The following DDAH1 variants were observed in gnomAD, a reference collection of about 807,000 sequenced individuals.
DDAH1 encodes the protein N(G),N(G)-dimethylarginine dimethylaminohydrolase 1.
A neutral mutation model predicts 28.8 loss-of-function variants in DDAH1; 19 were observed. The observed-to-expected ratio is 0.66, with a 90% CI of 0.46 to 0.97. The LOEUF (loss-of-function observed/expected upper bound fraction) is 0.97, where lower values mean the gene tolerates loss of function less well. Ranked by LOEUF, DDAH1 falls within the 50% of genes least tolerant of loss-of-function variation. The pLI, the probability that DDAH1 is intolerant of heterozygous loss-of-function variation, is 0.00. For synonymous variants in DDAH1, 153 were observed against 154.4 expected, an observed-to-expected ratio of 0.99 and a Z score of 0.07; for missense variants, 326 against 375.9, an observed-to-expected ratio of 0.87 and a Z score of 1.10.
intron 1 of DDAH1, among the ~76,000 whole-genome samples, chr1:85,507,157 T>G (rs887403774): frequency 1.3e-5 from 2 of 151,482 alleles, no homozygotes; most frequent in Admixed American, 6.6e-5. Flanking sequence ...TGTATATATT[T>G]TGAAAGTTGT....
chr1:85,358,700 C>A (rs2100858119), intron 2 of DDAH1, 48 bp downstream of exon 2: 1 of 1,298,130 alleles, frequency 7.7e-7, no homozygotes, highest in Non-Finnish European at 1.1e-6. Flanking sequence ...TAAATACAAG[C>A]CAAGTATTAA....
At chr1:85,328,980 T>C (rs775880668) in intron 4 of DDAH1, among the ~76,000 whole-genome samples, 31 of 152,330 alleles carry the variant, frequency 2.0e-4, no homozygotes, top group Middle Eastern at 3.4e-3. Flanking sequence ...GATAAATAAA[T>C]CACCCATGTC....
chr1:85,454,763 A>G (rs572816095), intron 1 of DDAH1, among the ~76,000 whole-genome samples: 2 of 152,338 alleles, frequency 1.3e-5, no homozygotes, highest in African/African-American at 4.8e-5. Flanking sequence ...TTCATGACCC[A>G]CTAGTGGGTA....
chr1:85,413,089 C>A (rs1570507386), intron 1 of DDAH1, among the ~76,000 whole-genome samples: 1 of 152,126 alleles, frequency 6.6e-6, no homozygotes, highest in South Asian at 2.1e-4. Flanking sequence ...AATCTATTAC[C>A]ATGAATACCT....
At chr1:85,497,231 CA>C (rs1167879676) in intron 1 of DDAH1, among the ~76,000 whole-genome samples, 1 of 152,116 alleles carries the variant, frequency 6.6e-6, no homozygotes, top group Non-Finnish European at 1.5e-5. Flanking sequence ...AGGTGTCATA[CA>C]GCTCATGAGG....
At chr1:85,395,790 T>C (rs1651784936) in intron 1 of DDAH1, among the ~76,000 whole-genome samples, 1 of 152,194 alleles carries the variant, frequency 6.6e-6, no homozygotes, top group Non-Finnish European at 1.5e-5. Context: ...TTGAGTGTGA[T>C]CAAGTTGGCT....
chr1:85,540,567 A>G (rs1428210816), intron 1 of DDAH1, among the ~76,000 whole-genome samples: 2 of 152,194 alleles, frequency 1.3e-5, no homozygotes, highest in East Asian at 1.9e-4. Flanking sequence ...GACCTAGACT[A>G]TAATTCACAC....
At chr1:85,490,002 C>A (rs1656334058) in intron 2 of DDAH1, among the ~76,000 whole-genome samples, 1 of 152,118 alleles carries the variant, frequency 6.6e-6, no homozygotes, top group Non-Finnish European at 1.5e-5. Context: ...AATATGATCT[C>A]ATTTGATACT....
At chr1:85,377,850 C>T (rs1293237618) in intron 1 of DDAH1, among the ~76,000 whole-genome samples, 1 of 151,956 alleles carries the variant, frequency 6.6e-6, no homozygotes, top group African/African-American at 2.4e-5. Context: ...GGCTGCCCAC[C>T]TAAAGAATTG....
intron 2 of DDAH1, chr1:85,495,451 G>A (rs1656554115): frequency 6.6e-6 from 1 of 152,220 alleles, no homozygotes; most frequent in Non-Finnish European, 1.5e-5. Flanking sequence ...ATGGGCAGAT[G>A]TAATTGTTGA....
chr1:85,528,888 C>T (rs562755600), intron 1 of DDAH1, among the ~76,000 whole-genome samples: 4 of 150,976 alleles, frequency 2.6e-5, no homozygotes, highest in African/African-American at 4.9e-5. Flanking sequence ...GCAGGAGAAT[C>T]GCTTGAACCC....
intron 1 of DDAH1, among the ~76,000 whole-genome samples, chr1:85,435,477 T>C (rs1230184323): frequency 6.6e-6 from 1 of 152,202 alleles, no homozygotes; most frequent in Non-Finnish European, 1.5e-5. Context: ...GAGCAATACA[T>C]ACAAAATCCC....
At chr1:85,499,618 T>C (rs916413234) in intron 1 of DDAH1, among the ~76,000 whole-genome samples, 43 of 151,088 alleles carry the variant, frequency 2.8e-4, no homozygotes, top group African/African-American at 1.0e-3. Flanking sequence ...GAGGTTGCAG[T>C]GAGCCAAGAT....
intron 1 of DDAH1, among the ~76,000 whole-genome samples, chr1:85,555,677 A>G (rs1658941023): frequency 6.6e-6 from 1 of 152,176 alleles, no homozygotes; most frequent in African/African-American, 2.4e-5. Context: ...TCATGAATGC[A>G]CAAAAACTCA....
chr1:85,496,130 T>C (rs1010347528), intron 2 of DDAH1: 1 of 551,984 alleles, frequency 1.8e-6, no homozygotes. Context: ...GTGTTTACTT[T>C]TAGCTGTAAA....
In DDAH1 at chr1:85,425,263, T is replaced by C. The variant is rs147261397; in HGVS notation, c.303+39480A>G. ...CATCACTTCTTTTTTTATTTTTCTT[T>C]CTAGATTTTCACTTGTTCATCTCTG... On this transcript the variant is annotated intron_variant, in intron 1 of 5. Transcript: ENST00000284031. Among the ~76,000 whole-genome samples, 507 of 152,238 alleles carry C rather than the reference T, an allele frequency of 3.3e-3. 2 individuals carry two copies. Among genetic ancestry groups the C allele is most frequent in the African/African-American group, 0.012 (487 of 41,574 alleles).
At chr1:85,516,791 A>G (rs1657491897) in intron 1 of DDAH1, among the ~76,000 whole-genome samples, 1 of 151,724 alleles carries the variant, frequency 6.6e-6, no homozygotes. Flanking sequence ...TTAGGCACAC[A>G]GCTAGGGCTC....
chr1:85,323,775 A>G (rs1163203002), intron 5 of DDAH1, among the ~76,000 whole-genome samples: 1 of 151,716 alleles, frequency 6.6e-6, no homozygotes, highest in Non-Finnish European at 1.5e-5. Context: ...GTTTGAGACT[A>G]GCTTGGGCAA....
chr1:85,511,575 A>C (rs1201373294), intron 1 of DDAH1, among the ~76,000 whole-genome samples: 1 of 152,234 alleles, frequency 6.6e-6, no homozygotes, highest in Non-Finnish European at 1.5e-5. Context: ...GTTTTTTGAA[A>C]AGATCAACAA....
Sources: allele counts gnomAD v4.1 joint callset (sites outside exome capture counted in the v4.1 genomes callset), GRCh38; gene constraint gnomAD v4.1.1; transcripts MANE v1.5; gene names NCBI Gene and HGNC (gene_info 2026-07-23, HGNC 2026-07-21).